Variants in NRG1 observed in about 807,000 individuals in gnomAD.
NRG1 encodes neuregulin 1, also known as pro-neuregulin-1, membrane-bound isoform.
In NRG1, 18 loss-of-function variants were observed where a neutral mutation model predicts 63.8. The ratio of observed to expected loss-of-function variants is 0.28; its 90% CI spans 0.19 to 0.42. The LOEUF (loss-of-function observed/expected upper bound fraction) is 0.42. NRG1 is among the 10% of genes least tolerant of loss of function. The pLI is 1.00. For synonymous variants in NRG1, 302 were observed against 301.3 expected, an observed-to-expected ratio of 1.00 and a Z score of -0.02; for missense variants, 762 against 814.7, an observed-to-expected ratio of 0.94 and a Z score of 0.79.
chr8:32,425,097 C>A (rs1936894475), intron 1 of NRG1, among the ~76,000 whole-genome samples: 1 of 152,174 alleles, frequency 6.6e-6, no homozygotes, highest in Non-Finnish European at 1.5e-5. Flanking sequence ...TAGCATTTCT[C>A]CAACCCATCT....
chr8:31,917,273 T>G (rs1369612326), intron 1 of NRG1, among the ~76,000 whole-genome samples: 1 of 146,618 alleles, frequency 6.8e-6, no homozygotes, highest in East Asian at 2.0e-4. Flanking sequence ...GACATGAAGT[T>G]CTTGCCCATG....
intron 1 of NRG1, among the ~76,000 whole-genome samples, chr8:32,533,505 C>A (rs1222626856): frequency 1.3e-5 from 2 of 151,982 alleles, no homozygotes; most frequent in Non-Finnish European, 2.9e-5. Flanking sequence ...TAAATAATCA[C>A]AGAACACGCT....
At chr8:32,364,957 C>CTTTT (rs372216683) in intron 1 of NRG1, among the ~76,000 whole-genome samples, 1 of 108,462 alleles carries the variant, frequency 9.2e-6, no homozygotes, top group Non-Finnish European at 1.8e-5. Flanking sequence ...CCCTTTACTA[C>CTTTT]TTTTTTTTTT....
chr8:32,755,371 A>G (rs1336415395), intron 8 of NRG1, among the ~76,000 whole-genome samples: 2 of 152,186 alleles, frequency 1.3e-5, no homozygotes, highest in Admixed American at 6.5e-5. Flanking sequence ...TCATAATCTG[A>G]ATGTTGCATT....
intron 1 of NRG1, among the ~76,000 whole-genome samples, chr8:32,051,967 C>T (rs1335763535): frequency 1.3e-5 from 2 of 152,142 alleles, no homozygotes; most frequent in Non-Finnish European, 1.5e-5. Flanking sequence ...GAAGACTTAG[C>T]ACTGGACTTG....
intron 1 of NRG1, among the ~76,000 whole-genome samples, chr8:32,594,087 C>T (rs2129536927): frequency 6.6e-6 from 1 of 152,182 alleles, no homozygotes; most frequent in Non-Finnish European, 1.5e-5. Context: ...TTATTGGAAA[C>T]TTCGTATGTT....
chr8:31,834,307 G>A (rs56067307), intron 1 of NRG1, among the ~76,000 whole-genome samples: 5,205 of 119,484 alleles, frequency 0.044, 260 homozygotes, highest in African/African-American at 0.16. Flanking sequence ...GCGCACGCGC[G>A]CACACACACA....
intron 1 of NRG1, among the ~76,000 whole-genome samples, chr8:31,655,596 C>A (rs962228594): frequency 6.6e-6 from 1 of 152,074 alleles, no homozygotes; most frequent in Admixed American, 6.5e-5. Flanking sequence ...TCCAGGATTC[C>A]AGATTTTATC....
intron 1 of NRG1, among the ~76,000 whole-genome samples, chr8:32,270,759 T>A (rs1354173609): frequency 6.6e-6 from 1 of 152,198 alleles, no homozygotes; most frequent in Non-Finnish European, 1.5e-5. Flanking sequence ...AGCTTTAAAT[T>A]GGCCATGTTG....
intron 1 of NRG1, among the ~76,000 whole-genome samples, chr8:32,115,453 C>T (rs934330487): frequency 9.2e-5 from 14 of 151,702 alleles, no homozygotes; most frequent in Non-Finnish European, 2.1e-4. Flanking sequence ...TTAAGAAAAT[C>T]ACAAAAAAAG....
intron 1 of NRG1, among the ~76,000 whole-genome samples, chr8:32,534,302 C>T (rs1831746526): frequency 1.3e-5 from 2 of 152,090 alleles, no homozygotes; most frequent in Admixed American, 6.5e-5. Context: ...GTCAAGATAG[C>T]AAACCCTAGC....
intron 1 of NRG1, among the ~76,000 whole-genome samples, chr8:31,650,132 T>C (rs1219260902): frequency 1.3e-5 from 2 of 152,082 alleles, no homozygotes; most frequent in Non-Finnish European, 2.9e-5. Context: ...CCCATGCCAC[T>C]ATGCCCAGCT....
chr8:32,336,061 A>G (rs1305972330), intron 1 of NRG1, among the ~76,000 whole-genome samples: 1 of 152,182 alleles, frequency 6.6e-6, no homozygotes, highest in Non-Finnish European at 1.5e-5. Flanking sequence ...ATTACTAACT[A>G]TGAAGCAAGT....
chr8:32,337,682 A>AAAAAAAAAAAAAAAAAAAAAAAAAT (rs1554511693), intron 1 of NRG1, among the ~76,000 whole-genome samples: 6 of 116,632 alleles, frequency 5.1e-5, no homozygotes, highest in African/African-American at 5.8e-5. Context: ...AAAAAAAAAA[A>AAAAAAAAAAAAAAAAAAAAAAAAAT]GCTGATGCAG....
intron 5 of NRG1, among the ~76,000 whole-genome samples, chr8:32,622,559 C>A (rs538025667): frequency 6.6e-6 from 1 of 151,994 alleles, no homozygotes; most frequent in Non-Finnish European, 1.5e-5. Flanking sequence ...TGTGCCACCA[C>A]ACCTGAGTAA....
chr8:31,871,624 G>C (rs1187450167), intron 1 of NRG1, among the ~76,000 whole-genome samples: 1 of 151,530 alleles, frequency 6.6e-6, no homozygotes, highest in Non-Finnish European at 1.5e-5. Flanking sequence ...AAAAACTGTG[G>C]TTCTTATTTT....
intron 1 of NRG1, among the ~76,000 whole-genome samples, chr8:32,486,221 C>T (rs755367932): frequency 1.3e-5 from 2 of 152,016 alleles, no homozygotes; most frequent in African/African-American, 2.4e-5. Flanking sequence ...TGTGAGCCAC[C>T]GCACCCAGCC....
At chr8:32,390,436 C>T (rs530004100) in intron 1 of NRG1, among the ~76,000 whole-genome samples, 3 of 151,556 alleles carry the variant, frequency 2.0e-5, no homozygotes, top group Non-Finnish European at 4.4e-5. Context: ...AACAACCAGG[C>T]GTGGTGATGA....
intron 1 of NRG1, among the ~76,000 whole-genome samples, chr8:32,288,811 C>T (rs1472037892): frequency 6.6e-6 from 1 of 152,168 alleles, no homozygotes; most frequent in Non-Finnish European, 1.5e-5. Flanking sequence ...CAGCTTGAAT[C>T]ACTCACTAGC....
Sources: allele counts gnomAD v4.1 joint callset (sites outside exome capture counted in the v4.1 genomes callset), GRCh38; gene constraint gnomAD v4.1.1; transcripts MANE v1.5; gene names NCBI Gene and HGNC (gene_info 2026-07-23, HGNC 2026-07-21).